Variants in APBB2 observed in about 807,000 individuals in gnomAD.
The protein encoded by APBB2 is Fe65-like 1.
APBB2 carries 38 observed loss-of-function variants against 82.5 expected under a neutral mutation model. That is an observed-to-expected ratio of 0.46 (90% CI 0.36 to 0.60). APBB2 has a LOEUF of 0.60. APBB2 is among the 20% of genes least tolerant of loss of function. The pLI is 0.00. For synonymous variants in APBB2, 341 were observed against 368.2 expected, an observed-to-expected ratio of 0.93 and a Z score of 0.85; for missense variants, 772 against 972.3, an observed-to-expected ratio of 0.79 and a Z score of 2.74.
intron 2 of APBB2, among the ~76,000 whole-genome samples, chr4:41,136,294 T>C (rs180857231): frequency 5.9e-5 from 9 of 152,274 alleles, no homozygotes; most frequent in Non-Finnish European, 1.0e-4. Flanking sequence ...TGTGAATAGG[T>C]CACAAAGATG....
chr4:41,059,805 C>T (rs550140101), intron 4 of APBB2, among the ~76,000 whole-genome samples: 2 of 151,964 alleles, frequency 1.3e-5, no homozygotes, highest in African/African-American at 2.4e-5. Context: ...TGTGAGACCC[C>T]TGATTTCCCA....
intron 12 of APBB2, among the ~76,000 whole-genome samples, chr4:40,834,422 T>C (rs1251502088): frequency 6.6e-6 from 1 of 152,162 alleles, no homozygotes; most frequent in Non-Finnish European, 1.5e-5. Flanking sequence ...CTATGGACAA[T>C]GAAACATACA....
In APBB2 at chr4:41,129,879, G is replaced by A. The variant is rs540395287; in HGVS notation, c.-261+13108C>T. On this transcript the variant is annotated intron_variant, in intron 2 of 17. Transcript: ENST00000508593. ...GACAATAACTTAAAATGTAAGTAAAGTATGCAGGTATGTTAGAAGGGGCTA... is the reference window on the plus strand; with the variant it reads ...GACAATAACTTAAAATGTAAGTAAAATATGCAGGTATGTTAGAAGGGGCTA... 2.6e-5 allele frequency among the ~76,000 whole-genome samples: 4 copies of A among 152,152 alleles called. No homozygotes were observed. The South Asian group carries it at 6.2e-4, about 24-fold the overall frequency.
chr4:40,823,464 A>T (rs1256196855), intron 16 of APBB2, among the ~76,000 whole-genome samples, 180 bp downstream of exon 16: 1 of 152,194 alleles, frequency 6.6e-6, no homozygotes, highest in Non-Finnish European at 1.5e-5. Context: ...GGCCACAGGA[A>T]AACAGAGGTA....
intron 2 of APBB2, among the ~76,000 whole-genome samples, chr4:41,121,278 A>G (rs1752725669): frequency 6.6e-6 from 1 of 152,256 alleles, no homozygotes; most frequent in Non-Finnish European, 1.5e-5. Flanking sequence ...CGTGCTTTGA[A>G]TTTTTATCAG....
At chr4:40,958,632 G>T (rs1262497743) in intron 6 of APBB2, among the ~76,000 whole-genome samples, 2 of 151,986 alleles carry the variant, frequency 1.3e-5, no homozygotes, top group Admixed American at 1.3e-4. Flanking sequence ...TTGAGACAGG[G>T]CCTTGCTTTG....
intron 3 of APBB2, among the ~76,000 whole-genome samples, chr4:41,085,850 A>AT: frequency 6.6e-6 from 1 of 152,314 alleles, no homozygotes; most frequent in African/African-American, 2.4e-5. Flanking sequence ...TTGTATAATA[A>AT]TAAGTTATAA....
At chr4:41,035,772 A>AC (rs1718920818) in intron 4 of APBB2, among the ~76,000 whole-genome samples, 1 of 152,222 alleles carries the variant, frequency 6.6e-6, no homozygotes, top group Non-Finnish European at 1.5e-5. Context: ...ATATGTACAG[A>AC]CTTTTTTTTC....
chr4:41,176,811 AT>A, intron 1 of APBB2, among the ~76,000 whole-genome samples: 2 of 152,306 alleles, frequency 1.3e-5, no homozygotes, highest in Middle Eastern at 3.4e-3. Flanking sequence ...AAAAACTAAA[AT>A]TATAAGAAAA....
intron 3 of APBB2, among the ~76,000 whole-genome samples, chr4:41,077,198 A>T (rs1303492846): frequency 1.4e-5 from 2 of 146,040 alleles, no homozygotes; most frequent in Non-Finnish European, 3.0e-5. Flanking sequence ...TTTGGAAGAG[A>T]TAAGGACTCA....
At chr4:41,146,337 A>C (rs1167005458) in intron 1 of APBB2, among the ~76,000 whole-genome samples, 1 of 150,902 alleles carries the variant, frequency 6.6e-6, no homozygotes, top group African/African-American at 2.4e-5. Flanking sequence ...AAAAAAAAAA[A>C]AAAAAAAAAA....
chr4:40,927,696 G>A (rs1782977267), intron 10 of APBB2, among the ~76,000 whole-genome samples: 1 of 152,102 alleles, frequency 6.6e-6, no homozygotes, highest in Admixed American at 6.6e-5. Context: ...TGCCCAGGCT[G>A]GTCTCGAACT....
chr4:40,868,812 G>T (rs1236343071), intron 12 of APBB2, among the ~76,000 whole-genome samples: 1 of 152,072 alleles, frequency 6.6e-6, no homozygotes, highest in Non-Finnish European at 1.5e-5. Flanking sequence ...CCACCAAAGA[G>T]CCATTTTATT....
chr4:41,156,602 C>T (rs578135722), intron 1 of APBB2, among the ~76,000 whole-genome samples: 17 of 152,312 alleles, frequency 1.1e-4, no homozygotes, highest in African/African-American at 3.6e-4. Context: ...TTAATGTCTG[C>T]TGTACATCTG....
chr4:41,041,822 A>T (rs1425725101), intron 4 of APBB2, among the ~76,000 whole-genome samples: 1 of 152,200 alleles, frequency 6.6e-6, no homozygotes, highest in African/African-American at 2.4e-5. Flanking sequence ...TATTTTCTGA[A>T]ATGTATCCCA....
chr4:41,016,862 A>T (rs528259389), intron 5 of APBB2, among the ~76,000 whole-genome samples: 10 of 152,082 alleles, frequency 6.6e-5, no homozygotes, highest in African/African-American at 1.9e-4. Flanking sequence ...TAGTTTATTT[A>T]CGTACTTATT....
At chr4:41,097,781 G>C (rs139142784) in intron 3 of APBB2, among the ~76,000 whole-genome samples, 1 of 151,958 alleles carries the variant, frequency 6.6e-6, no homozygotes, top group East Asian at 1.9e-4. Context: ...TGAAATGCTT[G>C]AAACAAGGAA....
intron 1 of APBB2, among the ~76,000 whole-genome samples, chr4:41,150,500 A>C (rs1761987366): frequency 6.6e-6 from 1 of 152,226 alleles, no homozygotes; most frequent in African/African-American, 2.4e-5. Context: ...CATTAGTGTC[A>C]TTCCTTCTAT....
intron 6 of APBB2, among the ~76,000 whole-genome samples, chr4:41,006,101 T>C (rs1806639253): frequency 6.6e-6 from 1 of 152,222 alleles, no homozygotes; most frequent in Non-Finnish European, 1.5e-5. Context: ...AACCCAAAAC[T>C]ACTTTATTCA....
Sources: allele counts gnomAD v4.1 joint callset (sites outside exome capture counted in the v4.1 genomes callset), GRCh38; gene constraint gnomAD v4.1.1; transcripts MANE v1.5; gene names NCBI Gene and HGNC (gene_info 2026-07-23, HGNC 2026-07-21).